The following LRRC75A variants were observed in gnomAD, a reference collection of about 807,000 sequenced individuals.
LRRC75A encodes leucine rich repeat containing 75A.
Under a neutral mutation model 26.0 loss-of-function variants are expected in LRRC75A, and 12 were observed. The ratio of observed to expected loss-of-function variants is 0.46; its 90% confidence interval spans 0.30 to 0.75. The LOEUF is 0.75. Among genes scored for constraint, LRRC75A ranks in the 30% least tolerant of loss-of-function variants. LRRC75A has a pLI of 0.08. For synonymous variants in LRRC75A, 223 were observed against 219.3 expected (o/e 1.02, Z -0.15); for missense variants, 410 against 486.6 (o/e 0.84, Z 1.48).
intron 2 of LRRC75A, chr17:16,461,230 C>T (rs1049338573): frequency 3.3e-5 from 5 of 152,292 alleles, no homozygotes; most frequent in African/African-American, 1.2e-4. Flanking sequence ...AAGTCTGTAT[C>T]CAGGCCGAGC....
chr17:16,474,344 T>C (rs1300363813), intron 1 of LRRC75A, among the ~76,000 whole-genome samples: 2 of 152,350 alleles, frequency 1.3e-5, no homozygotes, highest in Middle Eastern at 3.4e-3. Flanking sequence ...ACACAAAGAA[T>C]TCAACAAATA....
intron 1 of LRRC75A, among the ~76,000 whole-genome samples, chr17:16,483,986 T>C (rs2093840498): frequency 6.6e-6 from 1 of 152,230 alleles, no homozygotes; most frequent in Non-Finnish European, 1.5e-5. Flanking sequence ...ATATTGCTTT[T>C]ATAATATTTT....
At chr17:16,461,224 CTG>C (rs1220916638) in intron 2 of LRRC75A, 1 of 152,326 alleles carries the variant, frequency 6.6e-6, no homozygotes, top group East Asian at 1.9e-4. Context: ...ACAGTCAAGT[CTG>C]TATCCAGGCC....
At chr17:16,471,491 G>A (rs2093805966) in intron 1 of LRRC75A, among the ~76,000 whole-genome samples, 1 of 152,196 alleles carries the variant, frequency 6.6e-6, no homozygotes, top group Admixed American at 6.5e-5. Context: ...CAAGTGGCCG[G>A]GACCCCTCCC....
At chr17:16,478,107 T>C (rs1315172684) in intron 1 of LRRC75A, among the ~76,000 whole-genome samples, 1 of 151,628 alleles carries the variant, frequency 6.6e-6, no homozygotes, top group Non-Finnish European at 1.5e-5. Context: ...GGTAGAGACT[T>C]AGAGCATTTT....
At chr17:16,477,498 G>A (rs1221619622) in intron 1 of LRRC75A, among the ~76,000 whole-genome samples, 1 of 152,248 alleles carries the variant, frequency 6.6e-6, no homozygotes, top group Non-Finnish European at 1.5e-5. Flanking sequence ...CGGGATAGAG[G>A]AGGAGGGCCG....
chr17:16,476,373 A>T (rs1395541576), intron 1 of LRRC75A, among the ~76,000 whole-genome samples: 4 of 151,404 alleles, frequency 2.6e-5, no homozygotes, highest in Non-Finnish European at 5.9e-5. Context: ...GTCTCAAAAA[A>T]AAAAATTTTT....
At chr17:16,477,905 C>T (rs1333348694) in intron 1 of LRRC75A, among the ~76,000 whole-genome samples, 1 of 151,962 alleles carries the variant, frequency 6.6e-6, no homozygotes, top group African/African-American at 2.4e-5. Flanking sequence ...TCTACAGCTT[C>T]GAGACACCGG....
intron 2 of LRRC75A, among the ~76,000 whole-genome samples, chr17:16,457,616 G>C (rs1409255157): frequency 1.3e-5 from 2 of 152,136 alleles, no homozygotes; most frequent in Non-Finnish European, 2.9e-5. Context: ...GTGAGCAACA[G>C]AATCATTAGA....
intron 1 of LRRC75A, among the ~76,000 whole-genome samples, chr17:16,489,904 C>CG (rs2143460447): frequency 7.1e-6 from 1 of 141,698 alleles, no homozygotes; most frequent in South Asian, 2.5e-4. Flanking sequence ...GCAGCTGAGG[C>CG]GGGTACCAGG....
rs754509286 is a variant in LRRC75A at position 16,443,660 on chromosome 17, A to G, written c.963T>C (p.Pro321=). ...VREGTVGQED[P]GGGPVAPAED... ...CGGCAGGTGCCACAGGGCCCCCTCCAGGGTCCTCCTGGCCTACTGTCCCTT... is the reference window on the plus strand; with the variant it reads ...CGGCAGGTGCCACAGGGCCCCCTCCGGGGTCCTCCTGGCCTACTGTCCCTT... The change falls in exon 4 of 4, where the codon CCT becomes CCC. Residue 321 remains proline (P), a synonymous_variant. Coordinates refer to ENST00000470794, the MANE Select transcript of LRRC75A (RefSeq NM_001113567.3). The G allele has an allele frequency of 1.4e-5, 22 of 1,573,762 alleles. No individual in the cohort carries two copies. Among genetic ancestry groups the G allele is most frequent in the Admixed American group, 3.8e-5 (2 of 52,998 alleles).
chr17:16,452,304 G>A (rs4287608), intron 2 of LRRC75A, among the ~76,000 whole-genome samples: 57,402 of 151,052 alleles, frequency 0.38, 11,200 homozygotes, highest in African/African-American at 0.4. Context: ...GCAGTGAGCC[G>A]TGATCACACC....
At chr17:16,467,675 G>C (rs1461795093) in intron 1 of LRRC75A, among the ~76,000 whole-genome samples, 1 of 152,190 alleles carries the variant, frequency 6.6e-6, no homozygotes, top group Non-Finnish European at 1.5e-5. Flanking sequence ...AGATGAGAAT[G>C]AGGCTATCTG....
Position 16,479,058 on chromosome 17 carries a change from G to A in LRRC75A, c.246+12687C>T, listed in dbSNP as rs534918926. On this transcript the variant is annotated intron_variant, in intron 1 of 3. Transcript: ENST00000470794. ...GGACCCCTGCAATACTGCAGGGTCC[G>A]GGGCTCATGGAAGCCCAACAAGGAA... 3.1e-3 allele frequency among the ~76,000 whole-genome samples: 476 copies of A among 152,308 alleles called. 1 individual carries two copies. The highest frequency in any genetic ancestry group is 0.011 in the African/African-American group (447 of 41,568).
Position 16,462,168 on chromosome 17 carries a change from C to T in LRRC75A, c.375+90G>A. Reference sequence around the variant, plus strand: ...GCTTGTCCTCCTTGGGCCTGTCTGCCAGTCCTCCTTGGGCATACAGCTGCT... The same window carrying T: ...GCTTGTCCTCCTTGGGCCTGTCTGCTAGTCCTCCTTGGGCATACAGCTGCT... On this transcript the variant is annotated intron_variant, in intron 2 of 3. Coordinates refer to ENST00000470794, the MANE Select transcript of LRRC75A (RefSeq NM_001113567.3). This position sits in a 1 kb window ranked among gnomAD's most constrained non-coding sequence, Gnocchi z 4.6. 7.1e-7 allele frequency: 1 copy of T among 1,407,382 alleles called. No individual in the cohort carries two copies. Among genetic ancestry groups the T allele is most frequent in the Middle Eastern group, 2.0e-4 (1 of 5,080 alleles). 87.2% of individuals were successfully genotyped at this position (1,407,382 alleles called of 1,614,324 possible). A position where few individuals can be genotyped will look rare whatever the true frequency, so the allele number is the denominator to read the frequency against.
chr17:16,479,738 C>T lies in LRRC75A; in HGVS notation c.246+12007G>A, dbSNP rs147024195. Among the ~76,000 whole-genome samples the T allele has an allele frequency of 5.2e-3, 797 of 152,306 alleles. 3 individuals carry two copies. The highest frequency in any genetic ancestry group is 5.8e-3 in the Admixed American group (88 of 15,296). On this transcript the variant is annotated intron_variant, in intron 1 of 3. Transcript: ENST00000470794. ...GAGGCAGCGAGCTCATGAAGCTTGC[C>T]CCTCGCTGGGAACACCTCTTCAGGT...
rs1283285347 is a variant in LRRC75A, at chr17:16,456,204, G to T, written c.375+6054C>A. On this transcript the variant is annotated intron_variant, in intron 2 of 3. Coordinates refer to ENST00000470794, the MANE Select transcript of LRRC75A (RefSeq NM_001113567.3). ...GAGGAAGAGGAGGAAGGAGGAGGAA[G>T]AGGAGGAGGAAGAGGAGGAAGAAGA... Among the ~76,000 whole-genome samples the T allele has an allele frequency of 7.7e-3, 449 of 58,212 alleles. 41 individuals carry two copies. In the East Asian group the frequency reaches 0.096, roughly 12 times the overall value. 38.2% of individuals were successfully genotyped at this position (58,212 alleles called of 152,430 possible).
chr17:16,445,692 C>T (rs147311808), intron 3 of LRRC75A, among the ~76,000 whole-genome samples: 1 of 152,226 alleles, frequency 6.6e-6, no homozygotes, highest in African/African-American at 2.4e-5. Flanking sequence ...GTAAAACTCT[C>T]AAGGCGTGAC....
In LRRC75A at chr17:16,441,813, C is replaced by T. The variant is rs1601042101; in HGVS notation, c.*1775G>A. The T allele has an allele frequency of 5.6e-6, 1 of 179,218 alleles. No individual in the cohort carries two copies. The highest frequency in any genetic ancestry group is 1.5e-4 in the East Asian group (1 of 6,852). 11.1% of individuals were successfully genotyped at this position (179,218 alleles called of 1,614,324 possible). A position where few individuals can be genotyped will look rare whatever the true frequency, so the allele number is the denominator to read the frequency against. On this transcript the variant is annotated 3_prime_UTR_variant, in exon 4 of 4. Transcript: ENST00000470794. The stretch of plus-strand genomic sequence containing the variant: ...TCAGATGGTCCTCCTGCCTCAGCTT[C>T]CAAAGGCACAGGCCAAGTTGTAGCT...
Sources: gnomAD v4.1 joint callset for allele counts (sites outside exome capture counted in the v4.1 genomes callset) on GRCh38, gnomAD v4.1.1 for gene constraint, Gnocchi (gnomAD v3.1) non-coding constraint, MANE v1.5 for transcripts, NCBI Gene and HGNC (gene_info 2026-07-23, HGNC 2026-07-21) for gene names.